Variants in TENM4 observed in about 807,000 individuals in gnomAD.
TENM4 encodes teneurin transmembrane protein 4.
Under a neutral mutation model 243.3 loss-of-function variants are expected in TENM4, and 82 were observed. The ratio of observed to expected loss-of-function variants is 0.34; its 90% confidence interval spans 0.28 to 0.40. The LOEUF (loss-of-function observed/expected upper bound fraction) is 0.40, where lower values mean the gene tolerates loss of function less well. Among genes scored for constraint, TENM4 ranks in the 10% least tolerant of loss-of-function variants. The pLI is 1.00. For missense variants in TENM4, 3,138 were observed against 3,673.3 expected (o/e 0.85, Z 3.77); for synonymous variants, 1,412 against 1,456.3 (o/e 0.97, Z 0.69).
intron 6 of TENM4, among the ~76,000 whole-genome samples, chr11:79,008,476 TATAC>T (rs1375269513): frequency 6.6e-5 from 10 of 152,370 alleles, no homozygotes; most frequent in African/African-American, 2.4e-4. Context: ...TTTTGTTATA[TATAC>T]ACATATTTTT....
intron 6 of TENM4, among the ~76,000 whole-genome samples, chr11:78,992,165 T>C (rs1394375190): frequency 2.6e-5 from 4 of 152,232 alleles, no homozygotes. Context: ...CACCTGCTGG[T>C]GCACAGCAAA....
chr11:79,330,839 C>T lies in TENM4; in HGVS notation c.-320-33296G>A, dbSNP rs552533635. On this transcript the variant is annotated intron_variant, in intron 1 of 33. Transcript: ENST00000278550. ...CCCCAGTGTCAGATGACATTCTCAGCGCCTGGGGCCACCGCAGACAAGGCC... is the reference window on the plus strand; with the variant it reads ...CCCCAGTGTCAGATGACATTCTCAGTGCCTGGGGCCACCGCAGACAAGGCC... Among the ~76,000 whole-genome samples the T allele has an allele frequency of 1.2e-4, 18 of 152,298 alleles. No homozygotes were observed. In the South Asian group the frequency reaches 1.7e-3, roughly 14 times the overall value.
At chr11:78,909,494 T>C (rs1478148352) in intron 6 of TENM4, among the ~76,000 whole-genome samples, 1 of 152,212 alleles carries the variant, frequency 6.6e-6, no homozygotes, top group East Asian at 1.9e-4. Flanking sequence ...GACCCTACTG[T>C]TAAACATTCT....
chr11:79,412,702 C>T (rs1229987015), intron 1 of TENM4, among the ~76,000 whole-genome samples: 1 of 152,178 alleles, frequency 6.6e-6, no homozygotes, highest in Non-Finnish European at 1.5e-5. Flanking sequence ...ATACTCATCC[C>T]ATCTCCCAGT....
chr11:79,177,854 T>C lies in TENM4; in HGVS notation c.-162-29048A>G, dbSNP rs72935386. On this transcript the variant is annotated intron_variant, in intron 3 of 33. Transcript: ENST00000278550. Reference sequence around the variant, plus strand: ...CACAGCATCAGGGTGGGCCCTGCTGTGACAGATGTGTAGAGCCCCATGGGA... The same window carrying C: ...CACAGCATCAGGGTGGGCCCTGCTGCGACAGATGTGTAGAGCCCCATGGGA... Among the ~76,000 whole-genome samples, 727 of 152,234 alleles carry C rather than the reference T, an allele frequency of 4.8e-3. 8 individuals are homozygous for C. Among genetic ancestry groups the C allele is most frequent in the Non-Finnish European group, 5.6e-3 (384 of 67,990 alleles).
chr11:78,692,705 C>T (rs1018257878), intron 28 of TENM4, among the ~76,000 whole-genome samples: 2 of 152,136 alleles, frequency 1.3e-5, no homozygotes, highest in African/African-American at 2.4e-5. Context: ...TCACCTGGAA[C>T]GTCACTCTCA....
chr11:78,939,894 C>A (rs1158592458), intron 6 of TENM4, among the ~76,000 whole-genome samples: 2 of 151,890 alleles, frequency 1.3e-5, no homozygotes, highest in African/African-American at 2.4e-5. Flanking sequence ...GCACCTAGCA[C>A]AATGCTAGCT....
chr11:79,254,133 T>C (rs1250115187), intron 2 of TENM4, among the ~76,000 whole-genome samples: 1 of 152,176 alleles, frequency 6.6e-6, no homozygotes, highest in African/African-American at 2.4e-5. Flanking sequence ...TCAATACCTA[T>C]CAAAATTTAA....
intron 2 of TENM4, among the ~76,000 whole-genome samples, chr11:79,259,662 CA>C (rs1855762090): frequency 1.3e-4 from 2 of 15,206 alleles, no homozygotes; most frequent in Non-Finnish European, 2.9e-4. Flanking sequence ...TCCATCTATC[CA>C]TCCATCCATC....
At chr11:78,890,115 T>G (rs1393121408) in intron 8 of TENM4, 95 bp from the exon 9 acceptor site, 2 of 962,936 alleles carry the variant, frequency 2.1e-6, no homozygotes, top group Non-Finnish European at 3.0e-6. Flanking sequence ...AGAAGAAGCA[T>G]GCAGAGGAGC....
intron 14 of TENM4, among the ~76,000 whole-genome samples, chr11:78,811,140 C>T (rs1003459295): frequency 2.6e-5 from 4 of 152,178 alleles, no homozygotes; most frequent in African/African-American, 9.7e-5. Flanking sequence ...GAAGCCATTC[C>T]CATTTTATAG....
At chr11:79,158,628 C>A (rs1862675271) in intron 3 of TENM4, among the ~76,000 whole-genome samples, 1 of 152,182 alleles carries the variant, frequency 6.6e-6, no homozygotes, top group Non-Finnish European at 1.5e-5. Context: ...AATATCATTT[C>A]TCATTGTAGT....
At chr11:79,375,991 C>T (rs1857883617) in intron 1 of TENM4, among the ~76,000 whole-genome samples, 1 of 152,230 alleles carries the variant, frequency 6.6e-6, no homozygotes, top group African/African-American at 2.4e-5. Flanking sequence ...ACAGGATGCA[C>T]TTTTACATTC....
chr11:79,328,781 A>G (rs1379707129), intron 1 of TENM4, among the ~76,000 whole-genome samples: 1 of 69,696 alleles, frequency 1.4e-5, no homozygotes, highest in Non-Finnish European at 3.4e-5. Context: ...CCTGATGTTA[A>G]GCATGCATAT....
chr11:79,016,237 A>C (rs1412405631), intron 6 of TENM4, among the ~76,000 whole-genome samples: 1 of 152,210 alleles, frequency 6.6e-6, no homozygotes, highest in African/African-American at 2.4e-5. Context: ...TGGGTATCCC[A>C]GCAGCTCAGA....
chr11:79,393,391 T>G (rs1330463914), intron 1 of TENM4, among the ~76,000 whole-genome samples: 1 of 152,122 alleles, frequency 6.6e-6, no homozygotes, highest in African/African-American at 2.4e-5. Context: ...TCACACTAAG[T>G]TAATCCTAGC....
intron 3 of TENM4, among the ~76,000 whole-genome samples, chr11:79,166,264 A>G (rs1862911258): frequency 6.6e-6 from 1 of 152,138 alleles, no homozygotes; most frequent in South Asian, 2.1e-4. Context: ...TCCATAGCAG[A>G]AAGATGAAGG....
At chr11:79,142,814 T>C (rs1862313901) in intron 4 of TENM4, among the ~76,000 whole-genome samples, 1 of 151,818 alleles carries the variant, frequency 6.6e-6, no homozygotes, top group Admixed American at 6.6e-5. Flanking sequence ...AATAGAGAAC[T>C]CAGAAACAAA....
intron 4 of TENM4, among the ~76,000 whole-genome samples, chr11:79,084,048 G>A (rs562712762): frequency 6.6e-6 from 1 of 152,198 alleles, no homozygotes; most frequent in East Asian, 1.9e-4. Context: ...ATTAGAAAAT[G>A]GCCAGAAGAC....
Sources: allele counts gnomAD v4.1 joint callset (sites outside exome capture counted in the v4.1 genomes callset), GRCh38; gene constraint gnomAD v4.1.1; transcripts MANE v1.5; gene names NCBI Gene and HGNC (gene_info 2026-07-23, HGNC 2026-07-21).